BTAF1: variants seen among roughly 807,000 people sequenced by gnomAD.
The protein encoded by BTAF1 is TATA-binding protein-associated factor 172.
In BTAF1, 38 loss-of-function variants were observed where a neutral mutation model predicts 227.1. The ratio of observed to expected loss-of-function variants is 0.17; its 90% confidence interval spans 0.13 to 0.22. The LOEUF (loss-of-function observed/expected upper bound fraction) is 0.22, where lower values mean the gene tolerates loss of function less well. BTAF1 is among the 10% of genes least tolerant of loss of function. BTAF1 has a pLI of 1.00. For missense variants in BTAF1, 1,598 were observed against 2,204.0 expected (o/e 0.73, Z 5.51); for synonymous variants, 742 against 751.9 (o/e 0.99, Z 0.21).
rs748149552 is a variant in BTAF1, at chr10:91,951,469, A to G, written c.467A>G (p.Asn156Ser). ...RKLLQKKLGL[N>S]MGEAIGMSTE... is the part of the protein sequence containing the mutation. ...TTATTACAGAAGAAACTTGGCCTTA[A>G]TATGGGAGAAGCAATTGGAATGAGT... Residue 156 changes from asparagine to serine, a missense_variant, in exon 5 of 38, where the codon AAT becomes AGT. Around this residue, in one of 10 missense-constraint regions of BTAF1, gnomAD observed 298 missense variants for 395.2 expected, o/e 0.75. Coordinates refer to ENST00000265990, the MANE Select transcript of BTAF1 (RefSeq NM_003972.3). The G allele has an allele frequency of 1.9e-6, 3 of 1,613,592 alleles. No homozygotes were observed. The highest frequency in any genetic ancestry group is 2.2e-5 in the East Asian group (1 of 44,800).
rs111746100 is a variant in BTAF1, at chr10:91,998,231, T to G, written c.3660+480T>G. Among the ~76,000 whole-genome samples, 1,056 of 152,206 alleles carry G rather than the reference T, an allele frequency of 6.9e-3. 11 individuals carry two copies. The highest frequency in any genetic ancestry group is 0.024 in the African/African-American group (995 of 41,552). On this transcript the variant is annotated intron_variant, in intron 25 of 37. Transcript: ENST00000265990. ...TTCAAAAATGTTTATATTACAATAATTAAGATTTTTAGGCTTTTAATTGGT... is the reference window on the plus strand; with the variant it reads ...TTCAAAAATGTTTATATTACAATAAGTAAGATTTTTAGGCTTTTAATTGGT...
At chr10:92,006,507 T>G (rs1283032852) in intron 25 of BTAF1, among the ~76,000 whole-genome samples, 4 of 152,228 alleles carry the variant, frequency 2.6e-5, no homozygotes, top group Admixed American at 2.6e-4. Flanking sequence ...CCCATACATG[T>G]TTTGTAACAT....
intron 32 of BTAF1, 110 bp downstream of exon 32, chr10:92,014,139 G>A: frequency 9.0e-7 from 1 of 1,115,458 alleles, no homozygotes; most frequent in Non-Finnish European, 1.3e-6. Context: ...TTTATCAGAT[G>A]CAGATAAAGC....
intron 20 of BTAF1, 101 bp downstream of exon 20, chr10:91,989,681 T>C: frequency 8.6e-7 from 1 of 1,157,438 alleles, no homozygotes. Context: ...TTCATGTTAG[T>C]GTTTTTTCCC....
rs1843648710 is a variant in BTAF1 at position 91,923,905 on chromosome 10, G to C, written c.-172G>C. 4.1e-6 allele frequency: 3 copies of C among 724,474 alleles called. No individual in the cohort carries two copies. Among genetic ancestry groups the C allele is most frequent in the Non-Finnish European group, 6.1e-6 (3 of 492,668 alleles). 44.9% of individuals were successfully genotyped at this position (724,474 alleles called of 1,614,324 possible). A position where few individuals can be genotyped will look rare whatever the true frequency, so the allele number is the denominator to read the frequency against. ...TACCGGCCGCCGCGGGGACGAGCTC[G>C]GGTAGGCGGCAGGGCAGATGCCCGA... On this transcript the variant is annotated 5_prime_UTR_variant, in exon 1 of 38. Transcript: ENST00000265990.
chr10:92,001,989 C>T lies in BTAF1; in HGVS notation c.3660+4238C>T, dbSNP rs867514172. On this transcript the variant is annotated intron_variant, in intron 25 of 37. Transcript: ENST00000265990. Reference sequence around the variant, plus strand: ...AAAACCATATATATATATATATACACACACACACACACACACACACACACA... The same window carrying T: ...AAAACCATATATATATATATATACATACACACACACACACACACACACACA... 4.1e-3 allele frequency among the ~76,000 whole-genome samples: 419 copies of T among 102,430 alleles called. 4 individuals carry two copies. Among genetic ancestry groups the T allele is most frequent in the Non-Finnish European group, 7.1e-3 (326 of 45,878 alleles). 67.2% of individuals were successfully genotyped at this position (102,430 alleles called of 152,430 possible).
intron 14 of BTAF1, among the ~76,000 whole-genome samples, chr10:91,976,969 G>A (rs1369018587): frequency 6.6e-6 from 1 of 152,196 alleles, no homozygotes; most frequent in African/African-American, 2.4e-5. Context: ...TGAGATGGGT[G>A]ATGGACAGGG....
chr10:92,008,757 T>C (rs1850113309), intron 26 of BTAF1, 72 bp from the exon 27 acceptor site: 1 of 1,388,636 alleles, frequency 7.2e-7, no homozygotes. Context: ...AAACGTTGTT[T>C]ATAAGAAAAT....
Position 91,960,067 on chromosome 10 carries a change from T to C in BTAF1, c.1176T>C (p.Asp392=). Residue 392 remains aspartate (D), a synonymous_variant, in exon 11 of 38, where the codon GAT becomes GAC. Transcript: ENST00000265990. ...MNETGVHKTV[D]VLLKLLTQEQ... Reference sequence around the variant, plus strand: ...AAACAGGAGTTCATAAGACTGTGGATGTGCTGCTAAAATTACTTACACAAG... The same window carrying C: ...AAACAGGAGTTCATAAGACTGTGGACGTGCTGCTAAAATTACTTACACAAG... 6.2e-7 allele frequency: 1 copy of C among 1,613,968 alleles called. No homozygotes were observed. The highest frequency in any genetic ancestry group is 8.5e-7 in the Non-Finnish European group (1 of 1,179,894).
chr10:92,011,260 A>G, intron 29 of BTAF1, 26 bp from the exon 30 acceptor site: 1 of 1,504,168 alleles, frequency 6.6e-7, no homozygotes, highest in Non-Finnish European at 8.9e-7. Flanking sequence ...CAAAAGTTGT[A>G]AAATTTTCTA....
chr10:91,978,425 G>A (rs1204167894), intron 14 of BTAF1, among the ~76,000 whole-genome samples: 1 of 152,094 alleles, frequency 6.6e-6, no homozygotes, highest in Non-Finnish European at 1.5e-5. Flanking sequence ...CATTATGGAA[G>A]AGTAACACCA....
At chr10:92,021,668 A>T (rs1449671554) in intron 34 of BTAF1, among the ~76,000 whole-genome samples, 1 of 151,934 alleles carries the variant, frequency 6.6e-6, no homozygotes, top group African/African-American at 2.4e-5. Context: ...CAGCCTCCCA[A>T]GTAGCTGGGA....
chr10:91,956,582 T>C lies in BTAF1; in HGVS notation c.756T>C (p.Val252=). 6.2e-7 allele frequency: 1 copy of C among 1,602,078 alleles called. No homozygotes were observed. Among genetic ancestry groups the C allele is most frequent in the Non-Finnish European group, 8.5e-7 (1 of 1,176,954 alleles). The change falls in exon 7 of 38, where the codon GTT becomes GTC. Residue 252 remains valine, a synonymous_variant. Coordinates refer to ENST00000265990, the MANE Select transcript of BTAF1 (RefSeq NM_003972.3). ...AAAAGAGACGGAAAATAGCAAATGT[T>C]GTTATTAATCAGTCTGCAAATGATT... ...PEEKRRKIAN[V]VINQSANDSK...
At chr10:92,006,954 TAC>T (rs1409416157) in intron 25 of BTAF1, among the ~76,000 whole-genome samples, 2 of 152,022 alleles carry the variant, frequency 1.3e-5, no homozygotes, top group African/African-American at 4.8e-5. Context: ...AAACAGAACA[TAC>T]AGTTAGTACA....
intron 25 of BTAF1, among the ~76,000 whole-genome samples, chr10:92,004,232 T>C (rs974584123): frequency 2.6e-4 from 39 of 152,326 alleles, no homozygotes; most frequent in African/African-American, 9.1e-4. Context: ...CTTTTTAGTT[T>C]GATGCAGTCC....
chr10:91,925,635 C>G (rs941435747), intron 1 of BTAF1, among the ~76,000 whole-genome samples: 1 of 151,564 alleles, frequency 6.6e-6, no homozygotes, highest in African/African-American at 2.4e-5. Flanking sequence ...CCTCAGCCTC[C>G]CAAGTAGCTG....
Position 91,989,821 on chromosome 10 carries a change from A to T in BTAF1, c.2854+241A>T, listed in dbSNP as rs144648100. Among the ~76,000 whole-genome samples the T allele has an allele frequency of 2.5e-4, 38 of 152,342 alleles. No individual in the cohort carries two copies. The East Asian group carries it at 6.4e-3, about 26-fold the overall frequency. The stretch of plus-strand genomic sequence containing the variant: ...AAGATCTGATAGCTGATATAAGGTG[A>T]CTGAAATCTGTAAGACAGGTGTTCA... On this transcript the variant is annotated intron_variant, in intron 20 of 37. Coordinates refer to ENST00000265990, the MANE Select transcript of BTAF1 (RefSeq NM_003972.3).
intron 11 of BTAF1, 25 bp from the exon 12 acceptor site, chr10:91,962,513 T>C: frequency 6.9e-7 from 1 of 1,455,954 alleles, no homozygotes; most frequent in Non-Finnish European, 9.4e-7. Context: ...AGAAAATTAA[T>C]TTATTTTCAT....
intron 1 of BTAF1, among the ~76,000 whole-genome samples, chr10:91,929,899 T>C (rs1337618158): frequency 6.6e-6 from 1 of 152,124 alleles, no homozygotes; most frequent in East Asian, 1.9e-4. Context: ...AAGGAACTAT[T>C]GTAAATTATA....
Sources: allele counts gnomAD v4.1 joint callset (sites outside exome capture counted in the v4.1 genomes callset), GRCh38; gene constraint gnomAD v4.1.1; regional missense constraint gnomAD v4.1.1; transcripts MANE v1.5; gene names NCBI Gene and HGNC (gene_info 2026-07-23, HGNC 2026-07-21).